The following DPP10 variants were observed in gnomAD, a reference collection of about 807,000 sequenced individuals.
DPP10 encodes inactive dipeptidyl peptidase 10.
Under a neutral mutation model 120.9 loss-of-function variants are expected in DPP10, and 33 were observed. The ratio of observed to expected loss-of-function variants is 0.27; its 90% CI spans 0.21 to 0.37. The LOEUF is 0.37. Ranked by LOEUF, DPP10 falls within the 10% of genes least tolerant of loss-of-function variation. The probability of loss-of-function intolerance (pLI) is 1.00; values close to 1 mark genes in which losing one functional copy is unlikely to be tolerated. For missense variants in DPP10, 816 were observed against 942.8 expected (o/e 0.87, Z 1.76); for synonymous variants, 337 against 326.1 (o/e 1.03, Z -0.36).
At position 115,252,081 on chromosome 2, in the gene DPP10, A is replaced by G. The variant is rs989523467; in HGVS notation, c.61-57158A>G. On this transcript the variant is annotated intron_variant, in intron 1 of 25. Transcript: ENST00000410059. ...AGCAGATTCCAAGAGGACCTCCTCA[A>G]TCGGAACATATCGCCTCATAAATTA... 2.0e-5 allele frequency among the ~76,000 whole-genome samples: 3 copies of G among 152,356 alleles called. No homozygotes were observed. The South Asian group carries it at 6.2e-4, about 32-fold the overall frequency.
chr2:115,064,642 A>G, intron 1 of DPP10: 1 of 1,277,258 alleles, frequency 7.8e-7, no homozygotes, highest in Non-Finnish European at 1.0e-6. Flanking sequence ...ATATGTGAAT[A>G]GCAAAGTGTT....
chr2:114,890,849 C>A (rs1692483438), intron 1 of DPP10, among the ~76,000 whole-genome samples: 1 of 151,848 alleles, frequency 6.6e-6, no homozygotes, highest in African/African-American at 2.4e-5. Context: ...TAGGAAAACA[C>A]ACCGAGTTTT....
At chr2:114,861,211 T>C (rs1036324277) in intron 1 of DPP10, among the ~76,000 whole-genome samples, 1 of 152,034 alleles carries the variant, frequency 6.6e-6, no homozygotes, top group Admixed American at 6.6e-5. Flanking sequence ...GAACAGAGAG[T>C]AGGCAGACTG....
intron 1 of DPP10, among the ~76,000 whole-genome samples, chr2:114,678,014 T>C (rs1236332356): frequency 6.6e-6 from 1 of 152,172 alleles, no homozygotes; most frequent in African/African-American, 2.4e-5. Context: ...ATTTGTAATA[T>C]ACTATAACAT....
At chr2:115,781,633 GAT>G (rs1365362211) in intron 16 of DPP10, among the ~76,000 whole-genome samples, 10 of 151,800 alleles carry the variant, frequency 6.6e-5, no homozygotes, top group African/African-American at 1.5e-4. Context: ...TACTGCAGCT[GAT>G]ATATTAAGCT....
intron 24 of DPP10, among the ~76,000 whole-genome samples, chr2:115,839,485 C>G (rs1416821480): frequency 6.6e-6 from 1 of 151,684 alleles, no homozygotes; most frequent in Non-Finnish European, 1.5e-5. Context: ...ACCAGCCTGA[C>G]CAACATGGTG....
At position 115,700,926 on chromosome 2, in the gene DPP10, T is replaced by G. The variant is rs2091858225; in HGVS notation, c.576+11005T>G. On this transcript the variant is annotated intron_variant, in intron 7 of 25. Coordinates refer to ENST00000410059, the MANE Select transcript of DPP10 (RefSeq NM_020868.6). ...TACAATGAAAACTAAAAAATATGTC[T>G]GAAAAAAATTAAAGGACACATAATA... is the stretch of plus-strand genomic sequence containing the variant. Among the ~76,000 whole-genome samples the G allele has an allele frequency of 3.9e-5, 6 of 152,140 alleles. 1 individual carries two copies. The South Asian group carries it at 1.0e-3, about 26-fold the overall frequency.
chr2:115,278,890 GCTTTACCT>G (rs1381181359), intron 1 of DPP10, among the ~76,000 whole-genome samples: 1 of 152,014 alleles, frequency 6.6e-6, no homozygotes, highest in African/African-American at 2.4e-5. Context: ...TAAAGCTTTA[GCTTTACCT>G]GCCATATATA....
intron 1 of DPP10, among the ~76,000 whole-genome samples, chr2:114,585,474 T>A (rs1006745089): frequency 3.9e-5 from 6 of 152,204 alleles, no homozygotes; most frequent in African/African-American, 1.4e-4. Flanking sequence ...GGACTTTTAA[T>A]ATCATTTGCA....
At chr2:115,747,652 G>A (rs1678158366) in intron 10 of DPP10, among the ~76,000 whole-genome samples, 2 of 144,620 alleles carry the variant, frequency 1.4e-5, no homozygotes, top group African/African-American at 5.0e-5. Flanking sequence ...GGAGTTCAAT[G>A]GCACAATCTC....
At chr2:115,681,094 G>A (rs1163151311) in intron 5 of DPP10, among the ~76,000 whole-genome samples, 1 of 151,792 alleles carries the variant, frequency 6.6e-6, no homozygotes, top group Non-Finnish European at 1.5e-5. Flanking sequence ...AGAGAGAGAT[G>A]CTTGTGTAGC....
At chr2:115,732,758 A>C (rs1007110679) in intron 8 of DPP10, among the ~76,000 whole-genome samples, 1 of 152,194 alleles carries the variant, frequency 6.6e-6, no homozygotes, top group Non-Finnish European at 1.5e-5. Context: ...AATGGAACTA[A>C]TATGCTTAAG....
rs142443602 is a variant in DPP10 at position 115,563,434 on chromosome 2, G to A, written c.441+37462G>A. Among the ~76,000 whole-genome samples the A allele has an allele frequency of 6.6e-4, 100 of 152,188 alleles. No individual in the cohort carries two copies. In the East Asian group the frequency reaches 0.01, roughly 16 times the overall value. On this transcript the variant is annotated intron_variant, in intron 5 of 25. Transcript: ENST00000410059. The stretch of plus-strand genomic sequence containing the variant: ...GAAAAGAGCAAAAGCCCCTGCACTC[G>A]AGAGAGCTGTTACAATCAAATGAGA...
chr2:115,171,900 C>T (rs1327986665), intron 1 of DPP10, among the ~76,000 whole-genome samples: 1 of 152,096 alleles, frequency 6.6e-6, no homozygotes, highest in Non-Finnish European at 1.5e-5. Flanking sequence ...TTTGCCATGG[C>T]AAGAGGTTAC....
rs1574039695 is a variant in DPP10 at position 114,720,853 on chromosome 2, C to A, written c.60+278015C>A. ...GCTGCAGCTATAACTGGCCTGGCAACCCATTCACATTCTCCACCTATCACA... is the reference window on the plus strand; with the variant it reads ...GCTGCAGCTATAACTGGCCTGGCAAACCATTCACATTCTCCACCTATCACA... On this transcript the variant is annotated intron_variant, in intron 1 of 25. Coordinates refer to ENST00000410059, the MANE Select transcript of DPP10 (RefSeq NM_020868.6). Among the ~76,000 whole-genome samples, 3 of 152,160 alleles carry A rather than the reference C, an allele frequency of 2.0e-5. No individual in the cohort carries two copies. The South Asian group carries it at 6.2e-4, about 31-fold the overall frequency.
intron 2 of DPP10, among the ~76,000 whole-genome samples, chr2:115,317,588 A>G (rs1311925411): frequency 2.0e-5 from 3 of 150,696 alleles, no homozygotes; most frequent in Admixed American, 1.3e-4. Context: ...AGAAATATTC[A>G]TGTGTTCCAG....
chr2:115,581,055 G>A (rs1329486018), intron 5 of DPP10, among the ~76,000 whole-genome samples: 1 of 152,128 alleles, frequency 6.6e-6, no homozygotes, highest in African/African-American at 2.4e-5. Flanking sequence ...ATTGCCTGTA[G>A]GGCCTAAATT....
chr2:115,574,453 T>C (rs1202821877), intron 5 of DPP10, among the ~76,000 whole-genome samples: 5 of 152,216 alleles, frequency 3.3e-5, no homozygotes, highest in African/African-American at 4.8e-5. Context: ...CAACACTTCC[T>C]GCCTCTGATT....
chr2:115,034,170 C>T (rs1704056679), intron 1 of DPP10, among the ~76,000 whole-genome samples: 1 of 152,094 alleles, frequency 6.6e-6, no homozygotes, highest in African/African-American at 2.4e-5. Flanking sequence ...GCTGGGATTA[C>T]AGGTGTGAGC....
Sources: gnomAD v4.1 joint callset for allele counts (sites outside exome capture counted in the v4.1 genomes callset) on GRCh38, gnomAD v4.1.1 for gene constraint, MANE v1.5 for transcripts, NCBI Gene and HGNC (gene_info 2026-07-23, HGNC 2026-07-21) for gene names.